COL4A2: variants seen among roughly 807,000 people sequenced by gnomAD.
COL4A2 encodes the protein collagen alpha-2(IV) chain.
In COL4A2, 99 loss-of-function variants were observed where a neutral mutation model predicts 200.2. That is an observed-to-expected ratio of 0.49 (90% CI 0.42 to 0.58). The LOEUF (loss-of-function observed/expected upper bound fraction) is 0.58, where lower values mean the gene tolerates loss of function less well. Ranked by LOEUF, COL4A2 falls within the 20% of genes least tolerant of loss-of-function variation. COL4A2 has a pLI of 0.00. For missense variants in COL4A2, 1,950 were observed against 2,314.1 expected, an observed-to-expected ratio of 0.84 and a Z score of 3.23; for synonymous variants, 897 against 900.6, an observed-to-expected ratio of 1.00 and a Z score of 0.07.
intron 18 of COL4A2, among the ~76,000 whole-genome samples, chr13:110,449,262 G>C (rs1046481568): frequency 1.3e-5 from 2 of 152,150 alleles, no homozygotes; most frequent in Non-Finnish European, 2.9e-5. Context: ...CTTTGTCTTT[G>C]TTTGTTCAGG....
chr13:110,439,692 A>G (rs888977846), intron 15 of COL4A2, 97 bp from the exon 16 acceptor site: 3 of 1,589,580 alleles, frequency 1.9e-6, no homozygotes, highest in East Asian at 2.3e-5. Flanking sequence ...GTCCATCGGC[A>G]TTTTGCTGTG....
At chr13:110,364,940 A>G (rs1314558883) in intron 4 of COL4A2, among the ~76,000 whole-genome samples, 1 of 152,262 alleles carries the variant, frequency 6.6e-6, no homozygotes, top group African/African-American at 2.4e-5. Context: ...AAGTACTCGC[A>G]TAGCCACAAC....
At chr13:110,493,314 C>T (rs373880282) in intron 39 of COL4A2, 32 bp downstream of exon 39, 38 of 1,610,438 alleles carry the variant, frequency 2.4e-5, no homozygotes, top group Admixed American at 1.5e-4. Flanking sequence ...CCGAGTCCCA[C>T]GCAGAGGTGT....
At position 110,356,860 on chromosome 13, in the gene COL4A2, G is replaced by A. The variant is rs185673608; in HGVS notation, c.100-612G>A. On this transcript the variant is annotated intron_variant, in intron 3 of 47. Coordinates refer to ENST00000360467, the MANE Select transcript of COL4A2 (RefSeq NM_001846.4). ...CAGCTCACTGCAACCTCCACCTCCC[G>A]GTTCAAGCGATTTTCCTGCCTCAGC... Among the ~76,000 whole-genome samples the A allele has an allele frequency of 9.2e-5, 14 of 151,648 alleles. No individual in the cohort carries two copies. The South Asian group carries it at 1.7e-3, about 18-fold the overall frequency.
Position 110,489,509 on chromosome 13 carries a change from G to A in COL4A2, c.3271+1G>A, listed in dbSNP as rs1883215088. 3.1e-6 allele frequency: 5 copies of A among 1,614,108 alleles called. No homozygotes were observed. The highest frequency in any genetic ancestry group is 4.2e-6 in the Non-Finnish European group (5 of 1,180,036). On this transcript the variant is annotated splice_donor_variant, in intron 35 of 47. Transcript: ENST00000360467. LOFTEE classifies it high-confidence loss of function. Reference sequence around the variant, plus strand: ...GAGATTGGCGCGACTGGTGATTTCGGTGAGTGTTGCCCGTCCAGTGAAAAC... The same window carrying A: ...GAGATTGGCGCGACTGGTGATTTCGATGAGTGTTGCCCGTCCAGTGAAAAC...
At chr13:110,330,786 T>C (rs1322694241) in intron 3 of COL4A2, among the ~76,000 whole-genome samples, 1 of 152,090 alleles carries the variant, frequency 6.6e-6, no homozygotes, top group Non-Finnish European at 1.5e-5. Context: ...CTGAGAGCAA[T>C]TAGTTTCCAA....
intron 4 of COL4A2, among the ~76,000 whole-genome samples, chr13:110,382,519 A>G (rs1878531268): frequency 1.3e-5 from 2 of 152,254 alleles, no homozygotes; most frequent in Admixed American, 6.5e-5. Flanking sequence ...ATAAAACAGG[A>G]TGTATTTATG....
chr13:110,465,361 A>C, intron 24 of COL4A2, 44 bp from the exon 25 acceptor site: 4 of 1,547,172 alleles, frequency 2.6e-6, no homozygotes, highest in Non-Finnish European at 3.5e-6. Context: ...GGCGATCTTT[A>C]ACATTAGTAT....
intron 26 of COL4A2, among the ~76,000 whole-genome samples, chr13:110,466,380 C>T (rs1362136639): frequency 6.6e-6 from 1 of 152,178 alleles, no homozygotes; most frequent in African/African-American, 2.4e-5. Flanking sequence ...GAGCCCAGCC[C>T]AGACGGTGGC....
chr13:110,387,552 G>A (rs1317750193), intron 4 of COL4A2, among the ~76,000 whole-genome samples: 1 of 152,248 alleles, frequency 6.6e-6, no homozygotes, highest in African/African-American at 2.4e-5. Flanking sequence ...ACACCTGCCC[G>A]AGGAGGCAGC....
chr13:110,423,674 T>A (rs1279147556), intron 4 of COL4A2, among the ~76,000 whole-genome samples: 1 of 152,174 alleles, frequency 6.6e-6, no homozygotes, highest in Non-Finnish European at 1.5e-5. Flanking sequence ...AACTTTCTCA[T>A]CTTCCCAAAC....
intron 4 of COL4A2, among the ~76,000 whole-genome samples, chr13:110,390,657 A>C (rs1024510149): frequency 1.3e-5 from 2 of 152,236 alleles, no homozygotes; most frequent in African/African-American, 4.8e-5. Context: ...TGGAAAGTCC[A>C]TTCTCATGCC....
At position 110,512,298 on chromosome 13, in the gene COL4A2, A is replaced by G; in HGVS notation, c.*107A>G. The G allele has an allele frequency of 1.4e-6, 2 of 1,440,674 alleles. No homozygotes were observed. Among genetic ancestry groups the G allele is most frequent in the Non-Finnish European group, 1.8e-6 (2 of 1,101,668 alleles). The allele number at this position is 1,440,674 out of a possible 1,614,324, so 89.2% of individuals were successfully genotyped here. A position where few individuals can be genotyped will look rare whatever the true frequency, so the allele number is the denominator to read the frequency against. On this transcript the variant is annotated 3_prime_UTR_variant, in exon 48 of 48. Transcript: ENST00000360467. The stretch of plus-strand genomic sequence containing the variant: ...TTTTTTCTTAAAAAAAAAAAAGTCT[A>G]CCAAAGGAATTTGCATCCAGCAGCA...
rs912243994 is a variant in COL4A2, at chr13:110,508,930, G to A, written c.4881+709G>A. Among the ~76,000 whole-genome samples, 5 of 152,172 alleles carry A rather than the reference G, an allele frequency of 3.3e-5. No homozygotes were observed. Among genetic ancestry groups the A allele is most frequent in the East Asian group, 1.9e-4 (1 of 5,168 alleles). The stretch of plus-strand genomic sequence containing the variant: ...GCTCCTCAACTTGGAATAGGGTCCC[G>A]TCCCGATAAATTCATTGTAAGATGA... On this transcript the variant is annotated intron_variant, in intron 47 of 47. Transcript: ENST00000360467. This position sits in a 1 kb window ranked among gnomAD's most constrained non-coding sequence, Gnocchi z 6.1.
intron 4 of COL4A2, among the ~76,000 whole-genome samples, chr13:110,404,731 A>G (rs1232126922): frequency 1.3e-5 from 2 of 152,200 alleles, no homozygotes; most frequent in Non-Finnish European, 2.9e-5. Flanking sequence ...GAGAGACAGG[A>G]AAGGAGCCAC....
chr13:110,454,552 C>A (rs955808474), intron 20 of COL4A2, among the ~76,000 whole-genome samples: 2 of 152,266 alleles, frequency 1.3e-5, no homozygotes, highest in East Asian at 3.9e-4. Context: ...CCACAACTGA[C>A]CGGACACGCA....
chr13:110,424,483 T>C (rs1195127169), intron 4 of COL4A2, among the ~76,000 whole-genome samples: 4 of 149,196 alleles, frequency 2.7e-5, no homozygotes, highest in African/African-American at 9.9e-5. Flanking sequence ...CCCAGTATTA[T>C]CATTTCACAA....
At position 110,337,301 on chromosome 13, in the gene COL4A2, C is replaced by T. The variant is rs139941815; in HGVS notation, c.100-20171C>T. ...CTGGGCTCGTGTGAAGGACACTGTA[C>T]CCTGCTGTTTGGAATCATAAACGTA... On this transcript the variant is annotated intron_variant, in intron 3 of 47. Coordinates refer to ENST00000360467, the MANE Select transcript of COL4A2 (RefSeq NM_001846.4). Among the ~76,000 whole-genome samples, 4 of 152,328 alleles carry T rather than the reference C, an allele frequency of 2.6e-5. No individual in the cohort carries two copies. The South Asian group carries it at 8.3e-4, about 32-fold the overall frequency.
chr13:110,498,322 A>G (rs904599723), intron 40 of COL4A2, among the ~76,000 whole-genome samples: 4 of 152,236 alleles, frequency 2.6e-5, no homozygotes, highest in Non-Finnish European at 5.9e-5. Context: ...TCAGAGTGTC[A>G]TGATGATCAG....
Sources: allele counts gnomAD v4.1 joint callset (sites outside exome capture counted in the v4.1 genomes callset), GRCh38; gene constraint gnomAD v4.1.1; non-coding constraint Gnocchi (gnomAD v3.1); transcripts MANE v1.5; gene names NCBI Gene and HGNC (gene_info 2026-07-23, HGNC 2026-07-21).